TSPAN11: variants seen among roughly 807,000 people sequenced by gnomAD.
TSPAN11 encodes tetraspanin-11.
TSPAN11 carries 29 observed loss-of-function variants against 32.9 expected under a neutral mutation model. The observed-to-expected ratio is 0.88, with a 90% CI of 0.66 to 1.20. TSPAN11 has a LOEUF of 1.20. TSPAN11 is among the 50% of genes most tolerant of loss of function. The pLI, the probability that TSPAN11 is intolerant of heterozygous loss-of-function variation, is 0.00. For missense variants in TSPAN11, 283 were observed against 329.1 expected (o/e 0.86, Z 1.08); for synonymous variants, 140 against 141.3 (o/e 0.99, Z 0.07).
the TSPAN11 span, among the ~76,000 whole-genome samples, chr12:31,002,399 C>A: frequency 6.6e-6 from 1 of 152,174 alleles, no homozygotes; most frequent in Non-Finnish European, 1.5e-5. This position sits in a 1 kb window ranked among gnomAD's most constrained non-coding sequence, Gnocchi z 4.8. Context: ...TAGGGTTTAG[C>A]AATGACCCAG....
chr12:30,935,295 A>G (rs1338696323), intron 1 of TSPAN11, among the ~76,000 whole-genome samples: 1 of 152,338 alleles, frequency 6.6e-6, no homozygotes, highest in East Asian at 1.9e-4. Flanking sequence ...AGTGTGGGAA[A>G]AAGTGTAGAC....
At chr12:30,957,092 G>C (rs977189944) in intron 2 of TSPAN11, among the ~76,000 whole-genome samples, 2 of 152,234 alleles carry the variant, frequency 1.3e-5, no homozygotes, top group African/African-American at 4.8e-5. Flanking sequence ...CTTCTGCCGA[G>C]TCTCAAAGCC....
At chr12:30,945,920 G>T (rs1194897054) in intron 1 of TSPAN11, among the ~76,000 whole-genome samples, 2 of 152,140 alleles carry the variant, frequency 1.3e-5, no homozygotes, top group East Asian at 3.9e-4. Flanking sequence ...CTGGAAGAAG[G>T]CCCGCTGAGG....
At chr12:31,015,636 G>A in the TSPAN11 span, 1 of 152,252 alleles carries the variant, frequency 6.6e-6, no homozygotes, top group Non-Finnish European at 1.5e-5. The surrounding 1 kb of genome is among the most constrained non-coding windows in gnomAD (Gnocchi z 4.9). Context: ...AGGAGCCTCA[G>A]TGAATCCGAC....
intron 7 of TSPAN11, among the ~76,000 whole-genome samples, chr12:30,991,267 C>G (rs943236115): frequency 1.1e-4 from 17 of 152,324 alleles, no homozygotes; most frequent in African/African-American, 3.4e-4. Flanking sequence ...AGGGTGACAG[C>G]TCAGGAGGCT....
chr12:30,960,473 G>C (rs922713078), intron 2 of TSPAN11, among the ~76,000 whole-genome samples: 1 of 151,918 alleles, frequency 6.6e-6, no homozygotes, highest in African/African-American at 2.4e-5. Flanking sequence ...CTATGGTAGC[G>C]AGACAAAGAA....
intron 7 of TSPAN11, among the ~76,000 whole-genome samples, chr12:30,987,292 T>C (rs1939219069): frequency 6.6e-6 from 1 of 152,096 alleles, no homozygotes; most frequent in Non-Finnish European, 1.5e-5. Context: ...AGGGCAGTGG[T>C]CCTCAACCTT....
chr12:30,937,511 A>G (rs1012614103), intron 1 of TSPAN11, among the ~76,000 whole-genome samples: 1 of 152,162 alleles, frequency 6.6e-6, no homozygotes, highest in Non-Finnish European at 1.5e-5. Flanking sequence ...GTTAAAACAA[A>G]GGCTGAACTG....
rs1939345723 is a variant in TSPAN11, at chr12:30,992,946, A to G, written c.*1031A>G. On this transcript the variant is annotated 3_prime_UTR_variant, in exon 8 of 8. Coordinates refer to ENST00000546076, the MANE Select transcript of TSPAN11 (RefSeq NM_001370302.1). Reference sequence around the variant, plus strand: ...CTGCTTCCCTTCCCACCTGTCCTAGAGTGGACAGAGCTTTTTCCTTGGGTT... The same window carrying G: ...CTGCTTCCCTTCCCACCTGTCCTAGGGTGGACAGAGCTTTTTCCTTGGGTT... The G allele has an allele frequency of 6.6e-6, 1 of 152,170 alleles. No individual in the cohort carries two copies. Among genetic ancestry groups the G allele is most frequent in the African/African-American group, 2.4e-5 (1 of 41,408 alleles). 9.4% of individuals were successfully genotyped at this position (152,170 alleles called of 1,614,324 possible). A position where few individuals can be genotyped will look rare whatever the true frequency, so the allele number is the denominator to read the frequency against.
chr12:30,963,489 A>G (rs994717065), intron 2 of TSPAN11, among the ~76,000 whole-genome samples: 1 of 152,120 alleles, frequency 6.6e-6, no homozygotes, highest in Non-Finnish European at 1.5e-5. Context: ...AAAGTTGGAG[A>G]AGCAAAGGGA....
chr12:30,950,618 CA>C (rs1426380632), intron 1 of TSPAN11, among the ~76,000 whole-genome samples: 1 of 152,170 alleles, frequency 6.6e-6, no homozygotes, highest in Non-Finnish European at 1.5e-5. Flanking sequence ...AAAGAAACTA[CA>C]AGTTTGTCTT....
intron 1 of TSPAN11, among the ~76,000 whole-genome samples, chr12:30,950,662 G>C (rs150117956): frequency 1.3e-5 from 2 of 152,204 alleles, no homozygotes; most frequent in Non-Finnish European, 2.9e-5. Context: ...CAGGTAAGCA[G>C]CTCAGGGATG....
intron 1 of TSPAN11, among the ~76,000 whole-genome samples, chr12:30,941,955 T>G (rs1176267471): frequency 6.6e-6 from 1 of 152,258 alleles, no homozygotes; most frequent in Non-Finnish European, 1.5e-5. Context: ...TGAGCCAGTT[T>G]GCTTTGTTAA....
At chr12:30,957,239 C>G (rs1011118115) in intron 2 of TSPAN11, among the ~76,000 whole-genome samples, 5 of 143,676 alleles carry the variant, frequency 3.5e-5, no homozygotes, top group Non-Finnish European at 1.6e-5. Context: ...CCCCCCCCCC[C>G]CCCACACCAT....
At chr12:31,014,706 G>A in the TSPAN11 span, among the ~76,000 whole-genome samples, 1 of 152,182 alleles carries the variant, frequency 6.6e-6, no homozygotes, top group Non-Finnish European at 1.5e-5. Flanking sequence ...GAACAAGGGA[G>A]TCTGACAGTA....
downstream of TSPAN11, among the ~76,000 whole-genome samples, chr12:31,000,761 C>A (rs1939470336): frequency 6.6e-6 from 1 of 152,212 alleles, no homozygotes; most frequent in Non-Finnish European, 1.5e-5. Context: ...TCAATACACA[C>A]AAAAGAAGAC....
Position 30,965,708 on chromosome 12 carries a change from C to T in TSPAN11, c.276+1691C>T, listed in dbSNP as rs1049935984. Reference sequence around the variant, plus strand: ...ATTCATGCACATCAACTCACTCAGTCCTCGCCCTGCCCCAAAGAGCAGCAA... The same window carrying T: ...ATTCATGCACATCAACTCACTCAGTTCTCGCCCTGCCCCAAAGAGCAGCAA... On this transcript the variant is annotated intron_variant, in intron 3 of 7. Transcript: ENST00000546076. Among the ~76,000 whole-genome samples, 5 of 152,224 alleles carry T rather than the reference C, an allele frequency of 3.3e-5. No individual in the cohort carries two copies. In the South Asian group the frequency reaches 8.3e-4, roughly 25 times the overall value.
At chr12:30,958,592 G>T (rs1938546391) in intron 2 of TSPAN11, among the ~76,000 whole-genome samples, 1 of 152,184 alleles carries the variant, frequency 6.6e-6, no homozygotes, top group East Asian at 1.9e-4. Context: ...ATGTGGGAAT[G>T]GGAAGCCATT....
intron 1 of TSPAN11, among the ~76,000 whole-genome samples, chr12:30,938,520 T>C (rs1178635593): frequency 6.6e-6 from 1 of 152,202 alleles, no homozygotes; most frequent in Admixed American, 6.5e-5. Flanking sequence ...AAGCTGCTTG[T>C]CCAATGAGCA....
Sources: gnomAD v4.1 joint callset for allele counts (sites outside exome capture counted in the v4.1 genomes callset) on GRCh38, gnomAD v4.1.1 for gene constraint, Gnocchi (gnomAD v3.1) non-coding constraint, MANE v1.5 for transcripts, NCBI Gene and HGNC (gene_info 2026-07-23, HGNC 2026-07-21) for gene names.